The following MROH7 variants were observed in gnomAD, a reference collection of about 807,000 sequenced individuals.
MROH7 encodes maestro heat-like repeat-containing protein family member 7.
Under a neutral mutation model 129.2 loss-of-function variants are expected in MROH7, and 113 were observed. The ratio of observed to expected loss-of-function variants is 0.87; its 90% confidence interval spans 0.75 to 1.02. The LOEUF (loss-of-function observed/expected upper bound fraction) is 1.02. MROH7 is among the 50% of genes least tolerant of loss of function. The probability of loss-of-function intolerance (pLI) is 0.00; values close to 1 mark genes in which losing one functional copy is unlikely to be tolerated. For missense variants in MROH7, 1,601 were observed against 1,671.3 expected (o/e 0.96, Z 0.73); for synonymous variants, 655 against 667.9 (o/e 0.98, Z 0.30).
chr1:54,652,924 G>T lies in MROH7; in HGVS notation c.-3G>T. 6.4e-7 allele frequency: 1 copy of T among 1,573,114 alleles called. No homozygotes were observed. Among genetic ancestry groups the T allele is most frequent in the South Asian group, 1.2e-5 (1 of 83,716 alleles). On this transcript the variant is annotated 5_prime_UTR_variant, in exon 3 of 24. Coordinates refer to ENST00000421030, the MANE Select transcript of MROH7 (RefSeq NM_001039464.4). The stretch of plus-strand genomic sequence containing the variant: ...CTGGCATTGAGAGACCTCCAGACTG[G>T]ACATGGCCCTGAGTCCAGGGGCTAA...
At chr1:54,668,677 A>G (rs1644849190) in intron 4 of MROH7, among the ~76,000 whole-genome samples, 177 bp from the exon 5 acceptor site, 1 of 152,026 alleles carries the variant, frequency 6.6e-6, no homozygotes, top group Non-Finnish European at 1.5e-5. Flanking sequence ...CAACCCCTCA[A>G]TATTCTCCAA....
chr1:54,705,043 C>T (rs1037312179), intron 21 of MROH7, among the ~76,000 whole-genome samples: 1 of 152,096 alleles, frequency 6.6e-6, no homozygotes, highest in African/African-American at 2.4e-5. Flanking sequence ...AGGTGATCTG[C>T]CGCCTCAGCC....
chr1:54,652,792 G>A, intron 2 of MROH7, 61 bp from the exon 3 acceptor site: 1 of 1,203,582 alleles, frequency 8.3e-7, no homozygotes, highest in East Asian at 2.4e-5. Flanking sequence ...AGAATAGTGG[G>A]AGCCCTGGAA....
intron 1 of MROH7, among the ~76,000 whole-genome samples, chr1:54,646,876 T>C (rs1318963959): frequency 1.3e-5 from 2 of 152,242 alleles, no homozygotes; most frequent in Non-Finnish European, 1.5e-5. Flanking sequence ...GGATATTTTA[T>C]ATAAAGGGAG....
intron 16 of MROH7, among the ~76,000 whole-genome samples, chr1:54,693,184 A>G (rs1645266525): frequency 6.6e-6 from 1 of 152,172 alleles, no homozygotes; most frequent in Non-Finnish European, 1.5e-5. Context: ...CGTTTCTGAT[A>G]TTTTGTGTCA....
rs200520945 is a variant in MROH7, at chr1:54,668,826, T to C, written c.1306-28T>C. The C allele has an allele frequency of 1.8e-4, 290 of 1,591,022 alleles. 2 individuals are homozygous for C. The African/African-American group carries it at 3.2e-3, about 18-fold the overall frequency. ...ACTGGGCTCAGTGGGTCTCTCACTC[T>C]GAGGTTTTGCCCTCTGCTGTCCCCT... On this transcript the variant is annotated intron_variant, in intron 4 of 23. Transcript: ENST00000421030.
At chr1:54,660,851 T>G (rs1201042822) in intron 3 of MROH7, among the ~76,000 whole-genome samples, 2 of 151,872 alleles carry the variant, frequency 1.3e-5, no homozygotes, top group East Asian at 1.9e-4. Flanking sequence ...AAGAGAAAAA[T>G]AAAAAATCAT....
chr1:54,701,861 G>A (rs1014299963), intron 19 of MROH7, among the ~76,000 whole-genome samples: 9 of 151,352 alleles, frequency 5.9e-5, no homozygotes, highest in Non-Finnish European at 7.4e-5. Context: ...ATGAGCCACA[G>A]CACCTGGCCA....
chr1:54,644,801 C>CTT (rs553525945), intron 1 of MROH7, among the ~76,000 whole-genome samples: 16 of 138,210 alleles, frequency 1.2e-4, no homozygotes, highest in Non-Finnish European at 1.6e-4. Context: ...AGCCAAATAA[C>CTT]TTTTTTTTTT....
At chr1:54,682,534 C>A in intron 13 of MROH7, 122 bp from the exon 14 acceptor site, 3 of 896,844 alleles carry the variant, frequency 3.3e-6, no homozygotes, top group Non-Finnish European at 5.2e-6. Context: ...CTATTCCTTG[C>A]AGGTGTGCCC....
Position 54,686,451 on chromosome 1 carries a change from A to G in MROH7, c.2711+3A>G. On this transcript the variant is annotated splice_donor_region_variant and intron_variant, in intron 15 of 23. Transcript: ENST00000421030. ...CCCTCTCCCTTCGTACCTGTGCGGT[A>G]TGCTCTGCCCTCTCTCTTGACCCTG... is the stretch of plus-strand genomic sequence containing the variant. The G allele has an allele frequency of 6.2e-7, 1 of 1,613,490 alleles. No individual in the cohort carries two copies.
At chr1:54,642,664 G>A (rs1334009575) in intron 1 of MROH7, among the ~76,000 whole-genome samples, 2 of 152,166 alleles carry the variant, frequency 1.3e-5, no homozygotes, top group Admixed American at 1.3e-4. Flanking sequence ...CACCCAGACT[G>A]TAGTGCAGTG....
At chr1:54,663,460 C>T (rs1644761894) in intron 3 of MROH7, among the ~76,000 whole-genome samples, 1 of 152,036 alleles carries the variant, frequency 6.6e-6, no homozygotes, top group Non-Finnish European at 1.5e-5. Flanking sequence ...GAGACCTCTG[C>T]CTTCTGGGTT....
At chr1:54,646,931 A>G (rs997241511) in intron 1 of MROH7, among the ~76,000 whole-genome samples, 2 of 152,236 alleles carry the variant, frequency 1.3e-5, no homozygotes, top group Non-Finnish European at 2.9e-5. Flanking sequence ...TTCACCTAGC[A>G]TAATGTCTTC....
chr1:54,695,931 G>A, intron 17 of MROH7: 2 of 299,422 alleles, frequency 6.7e-6, no homozygotes, highest in Non-Finnish European at 1.3e-5. Context: ...GGAGGCATCA[G>A]GGAGGGAGGG....
At chr1:54,701,868 G>C (rs1311019412) in intron 19 of MROH7, among the ~76,000 whole-genome samples, 2 of 150,530 alleles carry the variant, frequency 1.3e-5, no homozygotes, top group Non-Finnish European at 3.0e-5. Context: ...ACAGCACCTG[G>C]CCAGTTTTTT....
Position 54,679,387 on chromosome 1 carries a change from A to G in MROH7, c.2174A>G (p.Glu725Gly), listed in dbSNP as rs1338019280. The part of the protein sequence containing the change: ...DSREMMQLAS[E>G]VMLSSVLEWY... The stretch of plus-strand genomic sequence containing the variant: ...AGGGAGATGATGCAGCTGGCCTCGG[A>G]GGTCATGCTCAGCTCGGTGCTGGAG... Residue 725 changes from glutamate (E) to glycine (G), a missense_variant, in exon 12 of 24, where the codon GAG becomes GGG. Physicochemically the swap from Glu to Gly is moderately conservative, Grantham distance 98. Transcript: ENST00000421030. The G allele has an allele frequency of 6.2e-7, 1 of 1,614,072 alleles. No homozygotes were observed. The highest frequency in any genetic ancestry group is 1.1e-5 in the South Asian group (1 of 91,088).
chr1:54,694,317 A>C (rs1393389687), intron 16 of MROH7, among the ~76,000 whole-genome samples: 1 of 152,250 alleles, frequency 6.6e-6, no homozygotes, highest in African/African-American at 2.4e-5. Context: ...CACTCCATGC[A>C]TGATTGCCAG....
At chr1:54,677,818 G>T (rs1250291373) in intron 10 of MROH7, among the ~76,000 whole-genome samples, 1 of 152,196 alleles carries the variant, frequency 6.6e-6, no homozygotes, top group East Asian at 1.9e-4. Context: ...AGGATATGGG[G>T]ACACAGGAGT....
Sources: allele counts gnomAD v4.1 joint callset (sites outside exome capture counted in the v4.1 genomes callset), GRCh38; gene constraint gnomAD v4.1.1; transcripts MANE v1.5; gene names NCBI Gene and HGNC (gene_info 2026-07-23, HGNC 2026-07-21).